Variants in GALNT2 observed in about 807,000 individuals in gnomAD.
The protein encoded by GALNT2 is UDP-GalNAc:polypeptide N-acetylgalactosaminyltransferase 2.
A neutral mutation model predicts 81.4 loss-of-function variants in GALNT2; 31 were observed. The observed-to-expected ratio is 0.38, with a 90% CI of 0.29 to 0.51. GALNT2 has a LOEUF of 0.51. Among genes scored for constraint, GALNT2 ranks in the 20% least tolerant of loss-of-function variants. GALNT2 has a pLI of 0.87. For synonymous variants in GALNT2, 303 were observed against 287.4 expected (o/e 1.05, Z -0.55); for missense variants, 629 against 765.7 (o/e 0.82, Z 2.11).
At chr1:230,157,475 C>T (rs1662294676) in intron 1 of GALNT2, among the ~76,000 whole-genome samples, 1 of 152,198 alleles carries the variant, frequency 6.6e-6, no homozygotes, top group Non-Finnish European at 1.5e-5. Context: ...ACGCAGTAAT[C>T]CCACCCTTAG....
chr1:230,252,479 G>A (rs1420925802), intron 10 of GALNT2, among the ~76,000 whole-genome samples: 1 of 152,174 alleles, frequency 6.6e-6, no homozygotes, highest in East Asian at 1.9e-4. Flanking sequence ...ATGCAAGGAT[G>A]ATGCTAAGTA....
At chr1:230,200,556 A>G (rs1308329681) in intron 2 of GALNT2, among the ~76,000 whole-genome samples, 1 of 152,184 alleles carries the variant, frequency 6.6e-6, no homozygotes, top group Non-Finnish European at 1.5e-5. Context: ...ACATCTTGCA[A>G]ACCCTGTGCT....
intron 1 of GALNT2, among the ~76,000 whole-genome samples, chr1:230,156,671 C>T (rs1197208005): frequency 1.3e-5 from 2 of 152,160 alleles, no homozygotes; most frequent in East Asian, 3.8e-4. Flanking sequence ...AGAATGTAAC[C>T]TGCAGGTTGT....
chr1:230,248,197 T>G (rs1665434691), intron 8 of GALNT2, among the ~76,000 whole-genome samples: 1 of 152,228 alleles, frequency 6.6e-6, no homozygotes, highest in African/African-American at 2.4e-5. Context: ...CTTCAGTCAC[T>G]GGGGCTGTCA....
At chr1:230,190,179 T>G (rs566396218) in intron 2 of GALNT2, among the ~76,000 whole-genome samples, 37 of 152,334 alleles carry the variant, frequency 2.4e-4, no homozygotes, top group African/African-American at 8.4e-4. Context: ...TATTGTACGT[T>G]TTAGAAATTC....
intron 7 of GALNT2, among the ~76,000 whole-genome samples, 198 bp from the exon 8 acceptor site, chr1:230,245,865 A>G (rs1459854102): frequency 6.6e-6 from 1 of 152,118 alleles, no homozygotes; most frequent in African/African-American, 2.4e-5. Flanking sequence ...CCAGCAGGCC[A>G]CAGCACATCT....
intron 3 of GALNT2, among the ~76,000 whole-genome samples, chr1:230,203,936 C>T (rs375231514): frequency 3.1e-4 from 47 of 151,364 alleles, no homozygotes; most frequent in African/African-American, 1.1e-3. Context: ...GCAATCCTCC[C>T]ATCTCAGCCT....
intron 1 of GALNT2, among the ~76,000 whole-genome samples, chr1:230,169,006 G>A (rs897049843): frequency 1.3e-5 from 2 of 152,184 alleles, no homozygotes; most frequent in African/African-American, 2.4e-5. Context: ...ACGGTTTTGA[G>A]GAGGCTTGGT....
chr1:230,174,633 C>T (rs1662900476), intron 1 of GALNT2, among the ~76,000 whole-genome samples: 1 of 152,044 alleles, frequency 6.6e-6, no homozygotes, highest in Non-Finnish European at 1.5e-5. Flanking sequence ...ATTGCCAGCC[C>T]CTCCTAGCTG....
chr1:230,088,013 T>C (rs1194289427), intron 1 of GALNT2, among the ~76,000 whole-genome samples: 1 of 152,076 alleles, frequency 6.6e-6, no homozygotes, highest in Non-Finnish European at 1.5e-5. Context: ...AATATGGGGG[T>C]GGACTGGGGT....
At chr1:230,119,816 A>G (rs773636133) in intron 1 of GALNT2, among the ~76,000 whole-genome samples, 12 of 152,036 alleles carry the variant, frequency 7.9e-5, no homozygotes, top group South Asian at 2.1e-4. Flanking sequence ...AGCTTATTCC[A>G]GTTATTATTA....
chr1:230,191,378 C>T (rs1461817688), intron 2 of GALNT2, among the ~76,000 whole-genome samples: 2 of 152,198 alleles, frequency 1.3e-5, no homozygotes, highest in African/African-American at 2.4e-5. Flanking sequence ...TACAGAAGGG[C>T]TTCCAAGGGG....
intron 3 of GALNT2, among the ~76,000 whole-genome samples, chr1:230,233,914 T>G (rs1028616469): frequency 6.6e-6 from 1 of 151,892 alleles, no homozygotes; most frequent in Non-Finnish European, 1.5e-5. Context: ...GGGAGATGAT[T>G]AGGATGGAAA....
intron 1 of GALNT2, among the ~76,000 whole-genome samples, chr1:230,157,998 A>G (rs1662313099): frequency 6.6e-6 from 1 of 152,076 alleles, no homozygotes; most frequent in Non-Finnish European, 1.5e-5. Context: ...AAAAGCAGAG[A>G]AAAAAAATCA....
chr1:230,134,483 G>A (rs889491984), intron 1 of GALNT2, among the ~76,000 whole-genome samples: 5 of 152,148 alleles, frequency 3.3e-5, no homozygotes, highest in Admixed American at 3.3e-4. Flanking sequence ...TTGTTCAGGT[G>A]AGACAACCAT....
chr1:230,207,825 C>T (rs1459661084), intron 3 of GALNT2, among the ~76,000 whole-genome samples: 1 of 152,198 alleles, frequency 6.6e-6, no homozygotes, highest in Non-Finnish European at 1.5e-5. Context: ...AAGCAATTCT[C>T]CCGCCTTGGC....
At position 230,275,803 on chromosome 1, in the gene GALNT2, T is replaced by G. The variant is rs1056854791; in HGVS notation, c.1560+1239T>G. ...TATATACATATATATACATGCCACA[T>G]ATATATACAAATATACATGCCACAT... On this transcript the variant is annotated intron_variant, in intron 15 of 15. Transcript: ENST00000366672. The surrounding 1 kb of genome is among the most constrained non-coding windows in gnomAD (Gnocchi z 5.5). 6.6e-6 allele frequency among the ~76,000 whole-genome samples: 1 copy of G among 151,172 alleles called. No homozygotes were observed. Among genetic ancestry groups the G allele is most frequent in the Non-Finnish European group, 1.5e-5 (1 of 67,768 alleles).
At chr1:230,251,964 G>C (rs1558161931) in intron 10 of GALNT2, among the ~76,000 whole-genome samples, 1 of 151,970 alleles carries the variant, frequency 6.6e-6, no homozygotes, top group African/African-American at 2.4e-5. Context: ...ATGTAGCTGT[G>C]CTAGAAGGTT....
chr1:230,172,926 C>T (rs1225845348), intron 1 of GALNT2, among the ~76,000 whole-genome samples: 2 of 152,184 alleles, frequency 1.3e-5, no homozygotes, highest in African/African-American at 2.4e-5. Context: ...GCTGTGCTCT[C>T]TGATTATGGC....
Sources: gnomAD v4.1 joint callset for allele counts (sites outside exome capture counted in the v4.1 genomes callset) on GRCh38, gnomAD v4.1.1 for gene constraint, Gnocchi (gnomAD v3.1) non-coding constraint, MANE v1.5 for transcripts, NCBI Gene and HGNC (gene_info 2026-07-23, HGNC 2026-07-21) for gene names.